SORCS3: variants seen among roughly 807,000 people sequenced by gnomAD.
The protein encoded by SORCS3 is VPS10 domain-containing receptor SorCS3.
SORCS3 carries 57 observed loss-of-function variants against 146.3 expected under a neutral mutation model. That is an observed-to-expected ratio of 0.39 (90% CI 0.31 to 0.49). The LOEUF (loss-of-function observed/expected upper bound fraction) is 0.49, where lower values mean the gene tolerates loss of function less well. SORCS3 is among the 20% of genes least tolerant of loss of function. The pLI is 0.92. For synonymous variants in SORCS3, 653 were observed against 618.5 expected (o/e 1.06, Z -0.83); for missense variants, 1,341 against 1,575.5 (o/e 0.85, Z 2.52).
At chr10:104,808,656 T>C (rs1014109618) in intron 1 of SORCS3, among the ~76,000 whole-genome samples, 3 of 152,230 alleles carry the variant, frequency 2.0e-5, no homozygotes, top group Non-Finnish European at 4.4e-5. Context: ...AAACCATCAG[T>C]AGATAAGGAG....
At chr10:105,207,272 T>TTTATTATTA (rs6144063) in intron 16 of SORCS3, among the ~76,000 whole-genome samples, 7,543 of 147,136 alleles carry the variant, frequency 0.051, 277 homozygotes, top group Non-Finnish European at 0.072. Flanking sequence ...CATGCAGAGG[T>TTTATTATTA]TTATTATTAT....
At chr10:105,193,948 T>C (rs1265846436) in intron 14 of SORCS3, among the ~76,000 whole-genome samples, 2 of 152,178 alleles carry the variant, frequency 1.3e-5, no homozygotes, top group East Asian at 3.9e-4. Flanking sequence ...AAGGTGAATC[T>C]TGAGTGGTTG....
At chr10:105,202,688 C>T (rs925228565) in intron 16 of SORCS3, among the ~76,000 whole-genome samples, 5 of 152,100 alleles carry the variant, frequency 3.3e-5, no homozygotes, top group African/African-American at 9.7e-5. Flanking sequence ...GCGCCTGGCC[C>T]GCTGTAAACA....
At chr10:105,179,299 C>A (rs968829524) in intron 14 of SORCS3, among the ~76,000 whole-genome samples, 3 of 152,146 alleles carry the variant, frequency 2.0e-5, no homozygotes, top group Non-Finnish European at 4.4e-5. Flanking sequence ...TTCATCTAAT[C>A]TTAAATGGTA....
At chr10:104,681,304 C>T (rs1051784310) in intron 1 of SORCS3, among the ~76,000 whole-genome samples, 1 of 136,154 alleles carries the variant, frequency 7.3e-6, no homozygotes, top group South Asian at 2.6e-4. Context: ...CCCTGGAGTC[C>T]TTTCCCGGGC....
At chr10:104,786,528 A>G (rs1196209288) in intron 1 of SORCS3, among the ~76,000 whole-genome samples, 1 of 134,286 alleles carries the variant, frequency 7.4e-6, no homozygotes, top group Non-Finnish European at 1.6e-5. Flanking sequence ...AGCTTGGGCT[A>G]CAAGTATGAA....
chr10:105,098,795 G>A (rs791114), intron 6 of SORCS3, among the ~76,000 whole-genome samples: 77,435 of 152,040 alleles, frequency 0.51, 19,911 homozygotes, highest in Middle Eastern at 0.54. Flanking sequence ...TCTTCATATA[G>A]TCATCCTATT....
At chr10:104,698,369 G>A (rs781056987) in intron 1 of SORCS3, among the ~76,000 whole-genome samples, 2 of 152,120 alleles carry the variant, frequency 1.3e-5, no homozygotes, top group Admixed American at 6.6e-5. Flanking sequence ...TGTCAAAGTG[G>A]TGTACACAAA....
chr10:105,081,762 G>T (rs552801112), intron 5 of SORCS3, among the ~76,000 whole-genome samples: 2 of 151,948 alleles, frequency 1.3e-5, no homozygotes, highest in Non-Finnish European at 2.9e-5. Context: ...TCCTTTCTTG[G>T]TCTTTGGTCA....
intron 1 of SORCS3, among the ~76,000 whole-genome samples, chr10:104,651,772 T>G (rs1309010202): frequency 6.6e-6 from 1 of 151,972 alleles, no homozygotes; most frequent in Non-Finnish European, 1.5e-5. Context: ...ATTCCCGGGG[T>G]GTTCCTTTGC....
intron 1 of SORCS3, among the ~76,000 whole-genome samples, chr10:104,806,331 A>G (rs1177460273): frequency 6.6e-6 from 1 of 152,206 alleles, no homozygotes; most frequent in African/African-American, 2.4e-5. Flanking sequence ...AGGATTATGG[A>G]TAGTGGCTTC....
chr10:105,263,255 C>A, intron 26 of SORCS3, 55 bp from the exon 27 acceptor site: 1 of 1,566,278 alleles, frequency 6.4e-7, no homozygotes, highest in Non-Finnish European at 8.8e-7. Context: ...AAACTAAGAT[C>A]CCTGCCCTTG....
intron 3 of SORCS3, among the ~76,000 whole-genome samples, chr10:104,964,640 T>G (rs1440356421): frequency 6.6e-6 from 1 of 152,202 alleles, no homozygotes; most frequent in Admixed American, 6.6e-5. Context: ...TTTGTTTGAT[T>G]AAAGTGTTCA....
intron 17 of SORCS3, among the ~76,000 whole-genome samples, chr10:105,214,083 G>A (rs926377727): frequency 3.3e-5 from 5 of 152,140 alleles, no homozygotes; most frequent in Admixed American, 3.3e-4. Context: ...ACAAGTAGAA[G>A]CACCTGCTTT....
chr10:104,968,276 C>G (rs539013638), intron 3 of SORCS3, among the ~76,000 whole-genome samples: 24 of 152,236 alleles, frequency 1.6e-4, no homozygotes, highest in Admixed American at 2.6e-4. Flanking sequence ...CCACCACACC[C>G]GGCTAATTTT....
intron 2 of SORCS3, among the ~76,000 whole-genome samples, chr10:104,894,969 G>T (rs1374778256): frequency 1.3e-5 from 2 of 152,210 alleles, no homozygotes. Flanking sequence ...CATCCAAATA[G>T]AAGTGGGAAG....
intron 20 of SORCS3, 46 bp downstream of exon 20, chr10:105,223,295 C>T: frequency 6.6e-7 from 1 of 1,524,218 alleles, no homozygotes; most frequent in Non-Finnish European, 8.9e-7. Flanking sequence ...GTACTGAATG[C>T]TCCTATGTTC....
At position 105,169,159 on chromosome 10, in the gene SORCS3, C is replaced by A. The variant is rs370367132; in HGVS notation, c.1901+1810C>A. ...CATCAAAAAGCAAACATGTTAAATACCTTTCTCAAGGCTAGACATGTATAC... is the reference window on the plus strand; with the variant it reads ...CATCAAAAAGCAAACATGTTAAATAACTTTCTCAAGGCTAGACATGTATAC... On this transcript the variant is annotated intron_variant, in intron 13 of 26. Coordinates refer to ENST00000369701, the MANE Select transcript of SORCS3 (RefSeq NM_014978.3). Among the ~76,000 whole-genome samples the A allele has an allele frequency of 3.9e-5, 6 of 152,194 alleles. No individual in the cohort carries two copies. The East Asian group carries it at 9.7e-4, about 25-fold the overall frequency.
At chr10:105,164,233 C>A (rs375258566) in intron 11 of SORCS3, 70 bp from the exon 12 acceptor site, 46 of 1,136,010 alleles carry the variant, frequency 4.0e-5, no homozygotes, top group Non-Finnish European at 5.8e-5. Flanking sequence ...TCTGCTCCCC[C>A]ATCCCTCAGC....
Sources: gnomAD v4.1 joint callset for allele counts (sites outside exome capture counted in the v4.1 genomes callset) on GRCh38, gnomAD v4.1.1 for gene constraint, MANE v1.5 for transcripts, NCBI Gene and HGNC (gene_info 2026-07-23, HGNC 2026-07-21) for gene names.